PCDH15: variants seen among roughly 807,000 people sequenced by gnomAD.
PCDH15 encodes the protein protocadherin related 15.
In PCDH15, 129 loss-of-function variants were observed where a neutral mutation model predicts 178.5. The observed-to-expected ratio is 0.72, with a 90% CI of 0.63 to 0.84. PCDH15 has a LOEUF of 0.84. Among genes scored for constraint, PCDH15 ranks in the 40% least tolerant of loss-of-function variants. The probability of loss-of-function intolerance (pLI) is 0.00; values close to 1 mark genes in which losing one functional copy is unlikely to be tolerated. For missense variants in PCDH15, 2,230 were observed against 2,099.9 expected, an observed-to-expected ratio of 1.06 and a Z score of -1.21; for synonymous variants, 800 against 732.0, an observed-to-expected ratio of 1.09 and a Z score of -1.50.
intron 28 of PCDH15, among the ~76,000 whole-genome samples, chr10:53,855,447 T>C (rs901023934): frequency 6.6e-6 from 1 of 152,016 alleles, no homozygotes; most frequent in Non-Finnish European, 1.5e-5. Flanking sequence ...ACTGTACAAT[T>C]GATATTCCAT....
intron 21 of PCDH15, among the ~76,000 whole-genome samples, chr10:53,979,568 G>A (rs187964146): frequency 2.4e-4 from 36 of 152,266 alleles, no homozygotes; most frequent in East Asian, 5.8e-4. Flanking sequence ...GCTAATTTTC[G>A]CATTGACAGC....
At chr10:54,330,202 G>A (rs1248893628) in intron 6 of PCDH15, among the ~76,000 whole-genome samples, 2 of 151,772 alleles carry the variant, frequency 1.3e-5, no homozygotes, top group Non-Finnish European at 2.9e-5. Flanking sequence ...GTCACTTAGT[G>A]ATGAGGTACA....
At chr10:54,280,988 C>T (rs1027720478) in intron 8 of PCDH15, among the ~76,000 whole-genome samples, 1 of 151,758 alleles carries the variant, frequency 6.6e-6, no homozygotes, top group African/African-American at 2.4e-5. Context: ...TGTTTTCTAA[C>T]TTATCTATGT....
chr10:54,467,313 A>T (rs2077584093), intron 3 of PCDH15, among the ~76,000 whole-genome samples: 1 of 151,540 alleles, frequency 6.6e-6, no homozygotes, highest in South Asian at 2.1e-4. Context: ...GGCCTTTGTT[A>T]TGTTGAGGTA....
intron 3 of PCDH15, among the ~76,000 whole-genome samples, chr10:54,500,338 G>A (rs2080550993): frequency 6.6e-6 from 1 of 151,914 alleles, no homozygotes; most frequent in African/African-American, 2.4e-5. Context: ...CTATCTATTG[G>A]GTACTGCACT....
chr10:55,383,484 A>G (rs1837584840), intron 2 of PCDH15, among the ~76,000 whole-genome samples: 1 of 152,028 alleles, frequency 6.6e-6, no homozygotes, highest in Non-Finnish European at 1.5e-5. Context: ...GCAGAATGGA[A>G]CCTTTGCTGG....
intron 2 of PCDH15, among the ~76,000 whole-genome samples, chr10:55,350,266 T>TATATATATATATATATAC (rs1844885854): frequency 1.7e-5 from 1 of 58,992 alleles, no homozygotes; most frequent in Admixed American, 1.7e-4. Flanking sequence ...TATATATATA[T>TATATATATATATATATAC]ATACACACAC....
chr10:55,264,962 C>A (rs1296360017), intron 1 of PCDH15, among the ~76,000 whole-genome samples: 1 of 152,120 alleles, frequency 6.6e-6, no homozygotes, highest in East Asian at 1.9e-4. Context: ...TGTTTGCTGT[C>A]TCAGGGAAGG....
At chr10:55,209,892 T>C (rs1424973375) in intron 1 of PCDH15, among the ~76,000 whole-genome samples, 1 of 152,068 alleles carries the variant, frequency 6.6e-6, no homozygotes, top group Non-Finnish European at 1.5e-5. Context: ...AGTAAAATCA[T>C]GGATCAGATA....
chr10:55,555,436 A>G (rs1842071550), intron 2 of PCDH15, among the ~76,000 whole-genome samples: 1 of 152,078 alleles, frequency 6.6e-6, no homozygotes, highest in Non-Finnish European at 1.5e-5. Context: ...CCAATACTTA[A>G]AAATTCATTT....
At chr10:53,814,659 C>T (rs1420853396) in intron 35 of PCDH15, among the ~76,000 whole-genome samples, 1 of 151,768 alleles carries the variant, frequency 6.6e-6, no homozygotes, top group Non-Finnish European at 1.5e-5. Context: ...AGCCATCAGT[C>T]GTTAAAAAAA....
intron 21 of PCDH15, among the ~76,000 whole-genome samples, chr10:53,984,754 C>G (rs1319782905): frequency 6.6e-6 from 1 of 152,140 alleles, no homozygotes; most frequent in Non-Finnish European, 1.5e-5. Flanking sequence ...TTTCCTATCT[C>G]TCTTTGCCAC....
At chr10:54,519,347 A>G (rs2138119454) in intron 3 of PCDH15, among the ~76,000 whole-genome samples, 1 of 152,272 alleles carries the variant, frequency 6.6e-6, no homozygotes, top group African/African-American at 2.4e-5. Flanking sequence ...TTAAGCTGAT[A>G]AGCAACTTCA....
At chr10:54,317,169 G>T in intron 8 of PCDH15, 102 bp downstream of exon 8, 3 of 1,258,622 alleles carry the variant, frequency 2.4e-6, no homozygotes, top group South Asian at 1.2e-5. Context: ...TGCATATACT[G>T]AGTTTTGCTA....
At chr10:55,115,816 G>T (rs777292430) in intron 2 of PCDH15, among the ~76,000 whole-genome samples, 1 of 152,092 alleles carries the variant, frequency 6.6e-6, no homozygotes, top group African/African-American at 2.4e-5. Flanking sequence ...TTGTTAAAAG[G>T]GTTGTGAGAA....
chr10:55,138,647 T>C (rs78533504), intron 2 of PCDH15, among the ~76,000 whole-genome samples: 3,589 of 152,178 alleles, frequency 0.024, 142 homozygotes, highest in African/African-American at 0.08. Flanking sequence ...AAAAATTATA[T>C]AAAATACACT....
intron 15 of PCDH15, among the ~76,000 whole-genome samples, chr10:54,105,067 C>T (rs1472517448): frequency 3.3e-5 from 5 of 150,868 alleles, no homozygotes; most frequent in Non-Finnish European, 5.9e-5. Flanking sequence ...CATTGTTCAC[C>T]ATACTATTAG....
chr10:55,051,098 T>C (rs1841149883), intron 2 of PCDH15, among the ~76,000 whole-genome samples: 1 of 152,122 alleles, frequency 6.6e-6, no homozygotes, highest in South Asian at 2.1e-4. Flanking sequence ...CATCTGGATT[T>C]ACACCTTTTT....
intron 1 of PCDH15, among the ~76,000 whole-genome samples, chr10:55,174,100 T>C (rs1480546480): frequency 2.6e-5 from 4 of 152,214 alleles, no homozygotes; most frequent in East Asian, 1.9e-4. Context: ...AATACTGTTG[T>C]ATAACTATTC....
Sources: gnomAD v4.1 joint callset for allele counts (sites outside exome capture counted in the v4.1 genomes callset) on GRCh38, gnomAD v4.1.1 for gene constraint, MANE v1.5 for transcripts, NCBI Gene and HGNC (gene_info 2026-07-23, HGNC 2026-07-21) for gene names.